Variants in NRM observed in about 807,000 individuals in gnomAD.
NRM encodes nuclear rim protein.
NRM carries 19 observed loss-of-function variants against 23.4 expected under a neutral mutation model. The ratio of observed to expected loss-of-function variants is 0.81; its 90% CI spans 0.57 to 1.19. The LOEUF is 1.19. Among genes scored for constraint, NRM ranks in the 50% most tolerant of loss-of-function variants. The pLI, the probability that NRM is intolerant of heterozygous loss-of-function variation, is 0.00. For missense variants in NRM, 232 were observed against 329.7 expected, an observed-to-expected ratio of 0.70 and a Z score of 2.30; for synonymous variants, 140 against 143.5, an observed-to-expected ratio of 0.98 and a Z score of 0.17.
In NRM at chr6:30,689,274, A is replaced by G; in HGVS notation, c.507+2T>C. The G allele has an allele frequency of 6.4e-7, 1 of 1,552,752 alleles. No homozygotes were observed. Reference sequence around the variant, plus strand: ...TCATAGGTAGGGATCTCGGAGCCTCACCTGTTTGAGGCCCATGAGCTCAGC... The same window carrying G: ...TCATAGGTAGGGATCTCGGAGCCTCGCCTGTTTGAGGCCCATGAGCTCAGC... On this transcript the variant is annotated splice_donor_variant, in intron 3 of 3. Coordinates refer to ENST00000376421, the MANE Select transcript of NRM (RefSeq NM_001384369.1). LOFTEE classifies it high-confidence loss of function. The surrounding 1 kb of genome is among the most constrained non-coding windows in gnomAD (Gnocchi z 4.7).
rs1771197238 is a variant in NRM at position 30,688,596 on chromosome 6, TGGATG to T, written c.*60_*64del. ...CCTCTGGCATGAAGCAGCCAGGGCC[TGGATG>T]TTAAGGATTTAGAATTCAGTGGGAG... On this transcript the variant is annotated 3_prime_UTR_variant, in exon 4 of 4. Transcript: ENST00000376421. The surrounding 1 kb of genome is among the most constrained non-coding windows in gnomAD (Gnocchi z 5.9). 2 of 1,559,482 alleles carry T rather than the reference TGGATG, an allele frequency of 1.3e-6. No homozygotes were observed. Among genetic ancestry groups the T allele is most frequent in the Non-Finnish European group, 8.7e-7 (1 of 1,148,070 alleles).
Position 30,689,439 on chromosome 6 carries a change from T to A in NRM, c.344A>T (p.Tyr115Phe). ...AGGGCCTTTGGGTATGGGCTCCCAG[T>A]ACCGCATCACCAGCTGTGGAAGGAT... ...TALALQLVMR[Y>F]WEPIPKGPVL... Residue 115 changes from tyrosine to phenylalanine, a missense_variant, in exon 3 of 4, where the codon TAC becomes TTC. Tyr to Phe is a conservative substitution (Grantham distance 22). Coordinates refer to ENST00000376421, the MANE Select transcript of NRM (RefSeq NM_001384369.1). The surrounding 1 kb of genome is among the most constrained non-coding windows in gnomAD (Gnocchi z 4.7). 6.3e-7 allele frequency: 1 copy of A among 1,574,970 alleles called. No homozygotes were observed. Among genetic ancestry groups the A allele is most frequent in the East Asian group, 2.4e-5 (1 of 42,524 alleles).
In NRM at chr6:30,689,498, C is replaced by T. The variant is rs1449790970; in HGVS notation, c.331-46G>A. ...GGGTATCCCAGTGGCCTAGTCTGCC[C>T]GACCTTGGGAGACCCAGACCCAGAT... is the stretch of plus-strand genomic sequence containing the variant. On this transcript the variant is annotated intron_variant, in intron 2 of 3. Coordinates refer to ENST00000376421, the MANE Select transcript of NRM (RefSeq NM_001384369.1). The surrounding 1 kb of genome is among the most constrained non-coding windows in gnomAD (Gnocchi z 4.7). 1.5e-5 allele frequency: 23 copies of T among 1,502,948 alleles called. No individual in the cohort carries two copies. In the South Asian group the frequency reaches 1.8e-4, roughly 12 times the overall value. 93.1% of individuals were successfully genotyped at this position (1,502,948 alleles called of 1,614,324 possible). A position where few individuals can be genotyped will look rare whatever the true frequency, so the allele number is the denominator to read the frequency against.
upstream of NRM, chr6:30,691,042 G>T (rs1771603154): frequency 1.8e-5 from 27 of 1,526,664 alleles, no homozygotes; most frequent in Non-Finnish European, 2.4e-5. Context: ...CCCGCCCGCG[G>T]CCCCGCCCCC....
rs758411208 is a variant in NRM, at chr6:30,690,333, A to ATGTCCCT, written c.134-97_134-91dup. ...TCATCTCCTCTTGGATCCCCAGGCCATGTCCCTTACTGCTTTCAAGAGCCT... is the reference window on the plus strand; with the variant it reads ...TCATCTCCTCTTGGATCCCCAGGCCATGTCCCTTGTCCCTTACTGCTTTCAAGAGCCT... On this transcript the variant is annotated intron_variant, in intron 1 of 3. Coordinates refer to ENST00000376421, the MANE Select transcript of NRM (RefSeq NM_001384369.1). The surrounding 1 kb of genome is among the most constrained non-coding windows in gnomAD (Gnocchi z 5.5). 6.9e-4 allele frequency: 847 copies of ATGTCCCT among 1,232,418 alleles called. 2 individuals carry two copies. The highest frequency in any genetic ancestry group is 1.7e-3 in the African/African-American group (112 of 65,734). 76.3% of individuals were successfully genotyped at this position (1,232,418 alleles called of 1,614,324 possible). A position where few individuals can be genotyped will look rare whatever the true frequency, so the allele number is the denominator to read the frequency against.
chr6:30,691,106 G>A, upstream of NRM: 2 of 1,034,992 alleles, frequency 1.9e-6, no homozygotes, highest in Non-Finnish European at 2.8e-6. Flanking sequence ...CCAGGCTTCC[G>A]GCCCGCCTGG....
In NRM at chr6:30,690,669, A is replaced by C; in HGVS notation, c.133+173T>G. Reference sequence around the variant, plus strand: ...CGCCTCTCCAAAACTCTAATCCTTGAGTTCCTAATTTAGAACTCAGGTCTC... The same window carrying C: ...CGCCTCTCCAAAACTCTAATCCTTGCGTTCCTAATTTAGAACTCAGGTCTC... On this transcript the variant is annotated intron_variant, in intron 1 of 3. Coordinates refer to ENST00000376421, the MANE Select transcript of NRM (RefSeq NM_001384369.1). This position sits in a 1 kb window ranked among gnomAD's most constrained non-coding sequence, Gnocchi z 5.5. The C allele has an allele frequency of 1.2e-6, 2 of 1,604,882 alleles. No individual in the cohort carries two copies. The highest frequency in any genetic ancestry group is 1.7e-6 in the Non-Finnish European group (2 of 1,176,596).
Position 30,690,454 on chromosome 6 carries a change from A to C in NRM, c.134-211T>G, listed in dbSNP as rs1771491283. On this transcript the variant is annotated intron_variant, in intron 1 of 3. Transcript: ENST00000376421. This position sits in a 1 kb window ranked among gnomAD's most constrained non-coding sequence, Gnocchi z 5.5. The stretch of plus-strand genomic sequence containing the variant: ...CCTGCAAACCTGGGGAAGAGGATTT[A>C]TAGAACACCACATGTTAGGCAGTTG... The C allele has an allele frequency of 7.9e-7, 1 of 1,265,380 alleles. No individual in the cohort carries two copies. Among genetic ancestry groups the C allele is most frequent in the Non-Finnish European group, 1.1e-6 (1 of 929,838 alleles). 78.4% of individuals were successfully genotyped at this position (1,265,380 alleles called of 1,614,324 possible). A position where few individuals can be genotyped will look rare whatever the true frequency, so the allele number is the denominator to read the frequency against.
At position 30,688,798 on chromosome 6, in the gene NRM, G is replaced by C. The variant is rs1771235559; in HGVS notation, c.652C>G (p.Leu218Val). 6.2e-7 allele frequency: 1 copy of C among 1,613,738 alleles called. No individual in the cohort carries two copies. The highest frequency in any genetic ancestry group is 1.7e-5 in the Admixed American group (1 of 59,958). Reference protein sequence around the residue: ...WVVPTLGTDRLLLAFLLTLYL... With the variant: ...WVVPTLGTDRVLLAFLLTLYL... ...AGGGTAAGGAGGAAAGCAAGGAGGA[G>C]ACGGTCCGTGCCCAGGGTAGGCACC... The change falls in exon 4 of 4, where the codon CTC becomes GTC. Residue 218 changes from leucine to valine, a missense_variant. Physicochemically the swap from Leu to Val is conservative, Grantham distance 32 (BLOSUM62 1). Coordinates refer to ENST00000376421, the MANE Select transcript of NRM (RefSeq NM_001384369.1). The surrounding 1 kb of genome is among the most constrained non-coding windows in gnomAD (Gnocchi z 5.9).
upstream of NRM, chr6:30,691,362 AT>A (rs1470595756): frequency 6.1e-6 from 1 of 162,866 alleles, no homozygotes; most frequent in Non-Finnish European, 1.3e-5. Context: ...TACAGAATAA[AT>A]TCTGTAACTT....
Position 30,689,493 on chromosome 6 carries a change from C to A in NRM, c.331-41G>T, listed in dbSNP as rs1403380425. On this transcript the variant is annotated intron_variant, in intron 2 of 3. Coordinates refer to ENST00000376421, the MANE Select transcript of NRM (RefSeq NM_001384369.1). This position sits in a 1 kb window ranked among gnomAD's most constrained non-coding sequence, Gnocchi z 4.7. ...GGGCTGGGTATCCCAGTGGCCTAGT[C>A]TGCCCGACCTTGGGAGACCCAGACC... is the stretch of plus-strand genomic sequence containing the variant. The A allele has an allele frequency of 7.3e-6, 11 of 1,514,730 alleles. No homozygotes were observed. The highest frequency in any genetic ancestry group is 9.7e-6 in the Non-Finnish European group (11 of 1,129,470). The allele number at this position is 1,514,730 out of a possible 1,614,324, so 93.8% of individuals were successfully genotyped here.
Position 30,690,498 on chromosome 6 carries a change from A to G in NRM, c.134-255T>C, listed in dbSNP as rs1771495806. On this transcript the variant is annotated intron_variant, in intron 1 of 3. Transcript: ENST00000376421. This position sits in a 1 kb window ranked among gnomAD's most constrained non-coding sequence, Gnocchi z 5.5. The stretch of plus-strand genomic sequence containing the variant: ...GCAGTTGCAAAAAGCATGGCTGGAG[A>G]GGCCACGCTGGATTGCCCCTCTTAC... 1.4e-6 allele frequency: 2 copies of G among 1,473,908 alleles called. No individual in the cohort carries two copies. The highest frequency in any genetic ancestry group is 2.6e-5 in the South Asian group (2 of 78,078). The allele number at this position is 1,473,908 out of a possible 1,614,324, so 91.3% of individuals were successfully genotyped here. A position where few individuals can be genotyped will look rare whatever the true frequency, so the allele number is the denominator to read the frequency against.
At position 30,689,030 on chromosome 6, in the gene NRM, C is replaced by T; in HGVS notation, c.508-88G>A. The T allele has an allele frequency of 7.1e-7, 1 of 1,411,570 alleles. No homozygotes were observed. Among genetic ancestry groups the T allele is most frequent in the Non-Finnish European group, 9.5e-7 (1 of 1,055,390 alleles). The allele number at this position is 1,411,570 out of a possible 1,614,324, so 87.4% of individuals were successfully genotyped here. Reference sequence around the variant, plus strand: ...TCCTCCTCTTCCAGGCACCACCCTTCTAGAACTCAGGCCCAGGAACCCCCC... The same window carrying T: ...TCCTCCTCTTCCAGGCACCACCCTTTTAGAACTCAGGCCCAGGAACCCCCC... On this transcript the variant is annotated intron_variant, in intron 3 of 3. Coordinates refer to ENST00000376421, the MANE Select transcript of NRM (RefSeq NM_001384369.1). This position sits in a 1 kb window ranked among gnomAD's most constrained non-coding sequence, Gnocchi z 4.7.
rs553588379 is a variant in NRM, at chr6:30,690,670, G to A, written c.133+172C>T. 6.0e-5 allele frequency: 96 copies of A among 1,605,342 alleles called. No homozygotes were observed. In the African/African-American group the frequency reaches 1.2e-3, roughly 21 times the overall value. ...GCCTCTCCAAAACTCTAATCCTTGA[G>A]TTCCTAATTTAGAACTCAGGTCTCC... On this transcript the variant is annotated intron_variant, in intron 1 of 3. Coordinates refer to ENST00000376421, the MANE Select transcript of NRM (RefSeq NM_001384369.1). The surrounding 1 kb of genome is among the most constrained non-coding windows in gnomAD (Gnocchi z 5.5).
In NRM at chr6:30,689,245, G is replaced by C. The variant is rs969682004; in HGVS notation, c.507+31C>G. Reference sequence around the variant, plus strand: ...GAACGAGGAGTTCTAAAATGGGTCAGAGGTCATAGGTAGGGATCTCGGAGC... The same window carrying C: ...GAACGAGGAGTTCTAAAATGGGTCACAGGTCATAGGTAGGGATCTCGGAGC... On this transcript the variant is annotated intron_variant, in intron 3 of 3. Transcript: ENST00000376421. This position sits in a 1 kb window ranked among gnomAD's most constrained non-coding sequence, Gnocchi z 4.7. The C allele has an allele frequency of 6.5e-7, 1 of 1,543,170 alleles. No homozygotes were observed. The highest frequency in any genetic ancestry group is 2.0e-5 in the Admixed American group (1 of 50,242).
In NRM at chr6:30,688,535, G is replaced by T; in HGVS notation, c.*126C>A. On this transcript the variant is annotated 3_prime_UTR_variant, in exon 4 of 4. Transcript: ENST00000376421. The surrounding 1 kb of genome is among the most constrained non-coding windows in gnomAD (Gnocchi z 5.9). ...GACCCAGAGAATAAAGTCTCAAGTA[G>T]TAGAAGGGGCATCTCCTTCAGTCCA... 1 of 1,073,628 alleles carries T rather than the reference G, an allele frequency of 9.3e-7. No homozygotes were observed. Among genetic ancestry groups the T allele is most frequent in the Non-Finnish European group, 1.4e-6 (1 of 736,422 alleles). The allele number at this position is 1,073,628 out of a possible 1,614,324, so 66.5% of individuals were successfully genotyped here. A position where few individuals can be genotyped will look rare whatever the true frequency, so the allele number is the denominator to read the frequency against.
In NRM at chr6:30,690,837, C is replaced by T. The variant is rs750619465; in HGVS notation, c.133+5G>A. 32 of 1,612,996 alleles carry T rather than the reference C, an allele frequency of 2.0e-5. No individual in the cohort carries two copies. Among genetic ancestry groups the T allele is most frequent in the Non-Finnish European group, 2.6e-5 (31 of 1,180,038 alleles). On this transcript the variant is annotated splice_donor_5th_base_variant and intron_variant, in intron 1 of 3. Coordinates refer to ENST00000376421, the MANE Select transcript of NRM (RefSeq NM_001384369.1). The surrounding 1 kb of genome is among the most constrained non-coding windows in gnomAD (Gnocchi z 5.5). Reference sequence around the variant, plus strand: ...CCCAGTTCATCCTCGATCCCTCCCGCTCACCCGGACCACCAGACTCCGGGA... The same window carrying T: ...CCCAGTTCATCCTCGATCCCTCCCGTTCACCCGGACCACCAGACTCCGGGA...
Position 30,690,707 on chromosome 6 carries a change from C to T in NRM, c.133+135G>A, listed in dbSNP as rs1414788621. On this transcript the variant is annotated intron_variant, in intron 1 of 3. Transcript: ENST00000376421. The surrounding 1 kb of genome is among the most constrained non-coding windows in gnomAD (Gnocchi z 5.5). ...GAACTCAGGTCTCCCTCCCCTGTAG[C>T]TTCTCGGCCGCTTTCAAGGTTCGAG... The T allele has an allele frequency of 1.2e-6, 2 of 1,610,804 alleles. No homozygotes were observed. Among genetic ancestry groups the T allele is most frequent in the Admixed American group, 1.7e-5 (1 of 59,938 alleles).
chr6:30,690,360 A>C lies in NRM; in HGVS notation c.134-117T>G, dbSNP rs1265639909. The C allele has an allele frequency of 1.8e-6, 2 of 1,084,250 alleles. No homozygotes were observed. Among genetic ancestry groups the C allele is most frequent in the Non-Finnish European group, 2.6e-6 (2 of 767,906 alleles). The allele number at this position is 1,084,250 out of a possible 1,614,324, so 67.2% of individuals were successfully genotyped here. On this transcript the variant is annotated intron_variant, in intron 1 of 3. Transcript: ENST00000376421. This position sits in a 1 kb window ranked among gnomAD's most constrained non-coding sequence, Gnocchi z 5.5. Reference sequence around the variant, plus strand: ...GTCCCTTACTGCTTTCAAGAGCCTTAATGCTTCCTCTCTAGGCTGTGCCCA... The same window carrying C: ...GTCCCTTACTGCTTTCAAGAGCCTTCATGCTTCCTCTCTAGGCTGTGCCCA...
Sources: gnomAD v4.1 joint callset for allele counts on GRCh38, gnomAD v4.1.1 for gene constraint, Gnocchi (gnomAD v3.1) non-coding constraint, MANE v1.5 for transcripts, NCBI Gene and HGNC (gene_info 2026-07-23, HGNC 2026-07-21) for gene names.